The following SPATA13 variants were observed in gnomAD, a reference collection of about 807,000 sequenced individuals.
SPATA13 encodes spermatogenesis associated 13, also known as spermatogenesis-associated protein 13.
In SPATA13, 50 loss-of-function variants were observed where a neutral mutation model predicts 104.0. The observed-to-expected ratio is 0.48, with a 90% CI of 0.38 to 0.61. SPATA13 has a LOEUF of 0.61. Ranked by LOEUF, SPATA13 falls within the 20% of genes least tolerant of loss-of-function variation. The probability of loss-of-function intolerance (pLI) is 0.00; values close to 1 mark genes in which losing one functional copy is unlikely to be tolerated. For synonymous variants in SPATA13, 606 were observed against 667.5 expected, an observed-to-expected ratio of 0.91 and a Z score of 1.42; for missense variants, 1,524 against 1,690.6, an observed-to-expected ratio of 0.90 and a Z score of 1.73.
intron 1 of SPATA13, among the ~76,000 whole-genome samples, chr13:24,216,334 T>C (rs934271983): frequency 3.9e-5 from 6 of 152,216 alleles, no homozygotes; most frequent in Non-Finnish European, 8.8e-5. Context: ...CCCCAGAGGA[T>C]TGACAAAGCA....
intron 1 of SPATA13, among the ~76,000 whole-genome samples, chr13:24,184,927 C>T (rs778010763): frequency 3.9e-5 from 6 of 152,286 alleles, no homozygotes; most frequent in Non-Finnish European, 8.8e-5. Flanking sequence ...CGGAAAATGA[C>T]CACTTCTTTA....
At chr13:24,053,682 G>A (rs572635972) in intron 3 of SPATA13, among the ~76,000 whole-genome samples, 1 of 152,038 alleles carries the variant, frequency 6.6e-6, no homozygotes, top group African/African-American at 2.4e-5. Context: ...TGTCGTCCTT[G>A]GAATCTGCTG....
chr13:24,106,877 G>A (rs915688389), intron 3 of SPATA13, among the ~76,000 whole-genome samples: 3 of 152,148 alleles, frequency 2.0e-5, no homozygotes, highest in Admixed American at 6.6e-5. Context: ...AAAGCAGATC[G>A]AGTGAGTTTC....
At chr13:24,220,692 G>A (rs1871531455) in intron 1 of SPATA13, among the ~76,000 whole-genome samples, 1 of 152,214 alleles carries the variant, frequency 6.6e-6, no homozygotes, top group Non-Finnish European at 1.5e-5. Flanking sequence ...CAGAGGGCGT[G>A]TGGTAGCCCA....
intron 3 of SPATA13, among the ~76,000 whole-genome samples, chr13:24,019,094 T>TTTA (rs1555254614): frequency 7.5e-5 from 4 of 53,086 alleles, no homozygotes; most frequent in Non-Finnish European, 2.0e-4. Context: ...ATTATTATTA[T>TTTA]TTTTTTTTTT....
At chr13:24,019,093 A>ATTAT (rs374489803) in intron 3 of SPATA13, among the ~76,000 whole-genome samples, 12 of 141,100 alleles carry the variant, frequency 8.5e-5, no homozygotes, top group African/African-American at 2.1e-4. Context: ...TATTATTATT[A>ATTAT]TTTTTTTTTT....
intron 1 of SPATA13, among the ~76,000 whole-genome samples, chr13:24,181,568 A>G (rs903558605): frequency 6.6e-6 from 1 of 152,134 alleles, no homozygotes; most frequent in Non-Finnish European, 1.5e-5. Flanking sequence ...TGAAGACAGA[A>G]ACGTACACAT....
intron 1 of SPATA13, among the ~76,000 whole-genome samples, chr13:24,221,175 G>C (rs747994040): frequency 7.2e-5 from 11 of 152,056 alleles, no homozygotes; most frequent in Non-Finnish European, 1.5e-4. Context: ...GGCTTTGTGG[G>C]GACAGCTGCA....
Position 24,029,212 on chromosome 13 carries a change from A to G in SPATA13, c.-112+11511A>G, listed in dbSNP as rs1229148266. Among the ~76,000 whole-genome samples the G allele has an allele frequency of 2.0e-5, 3 of 152,336 alleles. No homozygotes were observed. In the East Asian group the frequency reaches 5.8e-4, roughly 29 times the overall value. Reference sequence around the variant, plus strand: ...AGCTGGAACTTACAGGCATGTGCCAACACAGCCGGCCTCTGAAAATCTTTT... The same window carrying G: ...AGCTGGAACTTACAGGCATGTGCCAGCACAGCCGGCCTCTGAAAATCTTTT... On this transcript the variant is annotated intron_variant, in intron 3 of 14. Transcript: ENST00000424834.
intron 3 of SPATA13, chr13:24,122,623 G>C: frequency 7.2e-7 from 1 of 1,390,594 alleles, no homozygotes; most frequent in Non-Finnish European, 1.0e-6. Context: ...ACTCCTGTAA[G>C]AACCTTTTTG....
chr13:24,131,838 G>A (rs960311609), intron 3 of SPATA13, among the ~76,000 whole-genome samples: 3 of 152,202 alleles, frequency 2.0e-5, no homozygotes, highest in African/African-American at 7.2e-5. Flanking sequence ...GTGTTAAATA[G>A]CAACATAAAA....
rs115906885 is a variant in SPATA13 at position 24,051,299 on chromosome 13, G to A, written c.-112+33598G>A. ...CGTTGGACATGCTGTGCCTGCAGCC[G>A]GCAGGACTTCCTGGTCCTGGCATTT... On this transcript the variant is annotated intron_variant, in intron 3 of 14. Transcript: ENST00000424834. This position sits in a 1 kb window ranked among gnomAD's most constrained non-coding sequence, Gnocchi z 4.2. 9.4e-3 allele frequency among the ~76,000 whole-genome samples: 1,433 copies of A among 152,306 alleles called. 27 individuals are homozygous for A. Among genetic ancestry groups the A allele is most frequent in the African/African-American group, 0.031 (1,293 of 41,572 alleles).
At chr13:24,122,948 C>T (rs1007363876) in intron 3 of SPATA13, 16 of 781,082 alleles carry the variant, frequency 2.0e-5, no homozygotes, top group South Asian at 1.2e-4. Context: ...CACTAAGAAG[C>T]GTGTCAGGTG....
At chr13:24,048,897 G>A (rs1054388151) in intron 3 of SPATA13, among the ~76,000 whole-genome samples, 5 of 151,944 alleles carry the variant, frequency 3.3e-5, no homozygotes, top group African/African-American at 1.2e-4. Flanking sequence ...CTTTATTATA[G>A]AAGAAAATTA....
At chr13:24,238,818 C>A (rs955029740) in intron 2 of SPATA13, among the ~76,000 whole-genome samples, 10 of 152,324 alleles carry the variant, frequency 6.6e-5, no homozygotes, top group African/African-American at 2.4e-4. Context: ...AATTCTTTAA[C>A]TGCCAAGTTT....
At chr13:24,044,276 A>G (rs1204067773) in intron 3 of SPATA13, among the ~76,000 whole-genome samples, 2 of 132,302 alleles carry the variant, frequency 1.5e-5, no homozygotes, top group African/African-American at 5.6e-5. Flanking sequence ...CTCTCTTTCC[A>G]GGCTGGAGTG....
intron 3 of SPATA13, among the ~76,000 whole-genome samples, chr13:24,050,602 T>C (rs117162902): frequency 0.056 from 8,484 of 152,212 alleles, 334 homozygotes; most frequent in Middle Eastern, 0.13. Flanking sequence ...GCTGGCCAGG[T>C]CTCAGCCCTG....
At chr13:24,120,418 T>C (rs1462980445) in intron 3 of SPATA13, among the ~76,000 whole-genome samples, 1 of 152,220 alleles carries the variant, frequency 6.6e-6, no homozygotes, top group African/African-American at 2.4e-5. Context: ...TACTTGCCTG[T>C]GTCCCTATCA....
chr13:24,231,800 C>A (rs867475100), intron 2 of SPATA13, among the ~76,000 whole-genome samples: 1 of 152,170 alleles, frequency 6.6e-6, no homozygotes, highest in Non-Finnish European at 1.5e-5. Context: ...GCTATTCCAG[C>A]GGGTGTAGAG....
Sources: allele counts gnomAD v4.1 joint callset (sites outside exome capture counted in the v4.1 genomes callset), GRCh38; gene constraint gnomAD v4.1.1; non-coding constraint Gnocchi (gnomAD v3.1); transcripts MANE v1.5; gene names NCBI Gene and HGNC (gene_info 2026-07-23, HGNC 2026-07-21).